The following TRIM37 variants were observed in gnomAD, a reference collection of about 807,000 sequenced individuals.
TRIM37 encodes E3 ubiquitin-protein ligase TRIM37.
Under a neutral mutation model 129.8 loss-of-function variants are expected in TRIM37, and 80 were observed. That is an observed-to-expected ratio of 0.62 (90% CI 0.51 to 0.74). The LOEUF (loss-of-function observed/expected upper bound fraction) is 0.74. Ranked by LOEUF, TRIM37 falls within the 30% of genes least tolerant of loss-of-function variation. The probability of loss-of-function intolerance (pLI) is 0.00; values close to 1 mark genes in which losing one functional copy is unlikely to be tolerated. For synonymous variants in TRIM37, 389 were observed against 387.1 expected (o/e 1.00, Z -0.06); for missense variants, 1,054 against 1,176.5 (o/e 0.90, Z 1.52).
intron 17 of TRIM37, among the ~76,000 whole-genome samples, chr17:59,034,034 G>T (rs1271677159): frequency 6.6e-6 from 1 of 151,518 alleles, no homozygotes; most frequent in Non-Finnish European, 1.5e-5. Context: ...TTGAACCTGG[G>T]AGGCAGAGGT....
At chr17:59,065,561 G>C (rs897650054) in intron 9 of TRIM37, among the ~76,000 whole-genome samples, 2 of 152,126 alleles carry the variant, frequency 1.3e-5, no homozygotes, top group African/African-American at 4.8e-5. Context: ...CATGTGGATG[G>C]TTTGTACACT....
chr17:58,992,355 C>T (rs1328225210), intron 24 of TRIM37, among the ~76,000 whole-genome samples: 3 of 146,066 alleles, frequency 2.1e-5, no homozygotes, highest in African/African-American at 7.6e-5. Context: ...ATACAGAGTA[C>T]TGTCAACCAG....
intron 12 of TRIM37, among the ~76,000 whole-genome samples, chr17:59,058,258 T>A (rs1165603166): frequency 6.6e-6 from 1 of 152,210 alleles, no homozygotes; most frequent in Non-Finnish European, 1.5e-5. Flanking sequence ...GAGGCTATTA[T>A]CCTCAGCAAA....
At chr17:59,077,256 G>A in intron 7 of TRIM37, among the ~76,000 whole-genome samples, 1 of 149,980 alleles carries the variant, frequency 6.7e-6, no homozygotes, top group Non-Finnish European at 1.5e-5. Flanking sequence ...TATCACACCT[G>A]GCTAATTTTT....
the TRIM37 span, among the ~76,000 whole-genome samples, chr17:58,976,166 A>G: frequency 6.6e-6 from 1 of 152,182 alleles, no homozygotes; most frequent in African/African-American, 2.4e-5. Flanking sequence ...CAAGTAGAGG[A>G]GAAATTGAAG....
chr17:59,044,276 C>T (rs1055059800), intron 16 of TRIM37, among the ~76,000 whole-genome samples: 1 of 152,180 alleles, frequency 6.6e-6, no homozygotes, highest in African/African-American at 2.4e-5. Context: ...GACCACTGCA[C>T]TCCAGCTTGG....
chr17:59,064,240 A>G, intron 10 of TRIM37, 115 bp downstream of exon 10: 1 of 792,980 alleles, frequency 1.3e-6, no homozygotes, highest in Non-Finnish European at 2.1e-6. Flanking sequence ...TTATTCTTCT[A>G]AGACTTCTAA....
intron 16 of TRIM37, among the ~76,000 whole-genome samples, chr17:59,045,952 G>A (rs1390628085): frequency 6.6e-6 from 1 of 151,890 alleles, no homozygotes; most frequent in Non-Finnish European, 1.5e-5. Flanking sequence ...GGAGATGGAG[G>A]TTGCAGTGAG....
At chr17:59,082,208 T>C (rs1250866664) in intron 5 of TRIM37, among the ~76,000 whole-genome samples, 3 of 151,732 alleles carry the variant, frequency 2.0e-5, no homozygotes, top group South Asian at 4.2e-4. Flanking sequence ...GAGGCGGAGG[T>C]TGGAGTGAGC....
In TRIM37 at chr17:59,051,238, G is replaced by A. The variant is rs763348340; in HGVS notation, c.1290C>T (p.Ile430=). ...TQLEAAQTSY[I]QQINNLKERL... ...CCTCTTTAAGGTTGTTTATTTGTTG[G>A]ATATAACTAGTCTGTGCAGCTTCCA... The change falls in exon 14 of 24, where the codon ATC becomes ATT. Residue 430 remains isoleucine, a synonymous_variant. Coordinates refer to ENST00000262294, the MANE Select transcript of TRIM37 (RefSeq NM_015294.6). 1.2e-6 allele frequency: 2 copies of A among 1,612,166 alleles called. No homozygotes were observed. The highest frequency in any genetic ancestry group is 2.2e-5 in the South Asian group (2 of 90,998).
intron 24 of TRIM37, among the ~76,000 whole-genome samples, chr17:58,987,407 T>A (rs1313915422): frequency 1.3e-5 from 2 of 152,072 alleles, no homozygotes; most frequent in African/African-American, 4.8e-5. Flanking sequence ...CTGACTGACC[T>A]GAAGGTCTCG....
downstream of TRIM37, among the ~76,000 whole-genome samples, chr17:58,978,236 C>G (rs1471973929): frequency 6.6e-6 from 1 of 152,208 alleles, no homozygotes; most frequent in Non-Finnish European, 1.5e-5. Context: ...CAGTCTGACA[C>G]TAGTGCTGGT....
chr17:59,103,777 T>C (rs1325255207), intron 2 of TRIM37, among the ~76,000 whole-genome samples: 2 of 150,980 alleles, frequency 1.3e-5, no homozygotes, highest in Non-Finnish European at 2.9e-5. Context: ...GCCTCCCAAG[T>C]AGCTGGGACA....
chr17:59,006,211 T>C (rs1044030564), intron 22 of TRIM37, among the ~76,000 whole-genome samples: 3 of 152,180 alleles, frequency 2.0e-5, no homozygotes, highest in Non-Finnish European at 2.9e-5. Context: ...TTCCTACCTT[T>C]GTGAATGTAA....
chr17:58,999,480 AAAAATTT>A, intron 23 of TRIM37, 21 bp from the exon 24 acceptor site: 1 of 1,580,430 alleles, frequency 6.3e-7, no homozygotes, highest in Non-Finnish European at 8.6e-7. Flanking sequence ...AAAATAAATA[AAAAATTT>A]AAAATTTAAA....
Position 59,091,295 on chromosome 17 carries a change from C to T in TRIM37, c.164+5G>A. On this transcript the variant is annotated splice_donor_5th_base_variant and intron_variant, in intron 3 of 23. Transcript: ENST00000262294. ...ATTCACAAATAATCGTAAGGAAACA[C>T]TTACCGGCAATGAGGACATTGAGCT... 6.3e-7 allele frequency: 1 copy of T among 1,585,362 alleles called. No individual in the cohort carries two copies. Among genetic ancestry groups the T allele is most frequent in the Non-Finnish European group, 8.6e-7 (1 of 1,163,146 alleles).
intron 17 of TRIM37, among the ~76,000 whole-genome samples, chr17:59,032,674 T>C (rs1270933071): frequency 1.3e-5 from 2 of 151,702 alleles, no homozygotes; most frequent in Non-Finnish European, 2.9e-5. Flanking sequence ...CAGATGACAA[T>C]GTGTACGATG....
At chr17:59,087,725 C>T (rs2043898707) in intron 4 of TRIM37, among the ~76,000 whole-genome samples, 1 of 151,804 alleles carries the variant, frequency 6.6e-6, no homozygotes. Flanking sequence ...GGCTTTATTT[C>T]TAAACATTCA....
downstream of TRIM37, among the ~76,000 whole-genome samples, chr17:58,977,801 GGC>G: frequency 6.6e-6 from 1 of 152,146 alleles, no homozygotes; most frequent in Admixed American, 6.5e-5. Flanking sequence ...GGAGTGCAGT[GGC>G]GCAATCTGGG....
Sources: allele counts gnomAD v4.1 joint callset (sites outside exome capture counted in the v4.1 genomes callset), GRCh38; gene constraint gnomAD v4.1.1; transcripts MANE v1.5; gene names NCBI Gene and HGNC (gene_info 2026-07-23, HGNC 2026-07-21).